The following RASGRF2 variants were observed in gnomAD, a reference collection of about 807,000 sequenced individuals.
The protein encoded by RASGRF2 is ras-specific guanine nucleotide-releasing factor 2.
RASGRF2 carries 76 observed loss-of-function variants against 151.0 expected under a neutral mutation model. That is an observed-to-expected ratio of 0.50 (90% confidence interval 0.42 to 0.61). RASGRF2 has a LOEUF of 0.61. RASGRF2 is among the 20% of genes least tolerant of loss of function. RASGRF2 has a pLI of 0.00. For missense variants in RASGRF2, 1,148 were observed against 1,564.6 expected, an observed-to-expected ratio of 0.73 and a Z score of 4.49; for synonymous variants, 504 against 566.5, an observed-to-expected ratio of 0.89 and a Z score of 1.57.
At chr5:81,132,103 T>G (rs153235) in intron 17 of RASGRF2, among the ~76,000 whole-genome samples, 63,232 of 152,066 alleles carry the variant, frequency 0.42, 15,244 homozygotes, top group African/African-American at 0.67. Flanking sequence ...CACACTATTT[T>G]TTTTACTAAT....
intron 2 of RASGRF2, among the ~76,000 whole-genome samples, chr5:81,063,167 A>G (rs1751495880): frequency 6.6e-6 from 1 of 152,104 alleles, no homozygotes; most frequent in African/African-American, 2.4e-5. Flanking sequence ...AGAGTATGAA[A>G]TGTTTTCATT....
At chr5:81,028,693 T>C (rs548858702) in intron 1 of RASGRF2, among the ~76,000 whole-genome samples, 3 of 152,330 alleles carry the variant, frequency 2.0e-5, no homozygotes, top group African/African-American at 4.8e-5. Flanking sequence ...GGTTCCAAGA[T>C]GGCCGAATAG....
chr5:80,965,276 C>T (rs1412497519), intron 1 of RASGRF2, among the ~76,000 whole-genome samples: 2 of 152,034 alleles, frequency 1.3e-5, no homozygotes, highest in Non-Finnish European at 2.9e-5. Context: ...CATACTACTT[C>T]ACGTTGTCTA....
intron 18 of RASGRF2, among the ~76,000 whole-genome samples, chr5:81,192,215 C>A (rs2112696530): frequency 6.6e-6 from 1 of 152,266 alleles, no homozygotes; most frequent in South Asian, 2.1e-4. Context: ...AAACATAAGT[C>A]CCCAGATGAT....
intron 12 of RASGRF2, among the ~76,000 whole-genome samples, chr5:81,101,532 G>A (rs985248531): frequency 1.3e-5 from 2 of 151,778 alleles, no homozygotes; most frequent in Non-Finnish European, 2.9e-5. Context: ...CTAAAGTCTG[G>A]GGATGGGAAC....
At position 81,092,939 on chromosome 5, in the gene RASGRF2, G is replaced by C; in HGVS notation, c.1529G>C (p.Gly510Ala). The change falls in exon 10 of 27, where the codon GGA (glycine) becomes GCA (alanine). Residue 510 changes from glycine (G) to alanine (A), a missense_variant. By Grantham distance (60) the Gly-to-Ala change is moderately conservative. Coordinates refer to ENST00000265080, the MANE Select transcript of RASGRF2 (RefSeq NM_006909.3). ...TTTTTAATATGTACAAGAAGTTCAG[G>C]AGGGAAGCTTCATCTGCTCAAGGTA... ...KHFLICTRSS[G>A]GKLHLLKTGG... 1 of 1,612,450 alleles carries C rather than the reference G, an allele frequency of 6.2e-7. No homozygotes were observed. The highest frequency in any genetic ancestry group is 8.5e-7 in the Non-Finnish European group (1 of 1,178,894).
rs187388012 is a variant in RASGRF2, at chr5:81,064,201, T to C, written c.396-3831T>C. On this transcript the variant is annotated intron_variant, in intron 2 of 26. Coordinates refer to ENST00000265080, the MANE Select transcript of RASGRF2 (RefSeq NM_006909.3). ...CTGCTGTTGGCTAGGTTCGCTTCCT[T>C]ACCAGTTGTTGGCTTGAGCTCAGTT... 5.7e-3 allele frequency among the ~76,000 whole-genome samples: 866 copies of C among 152,294 alleles called. 7 individuals are homozygous for C. The highest frequency in any genetic ancestry group is 6.1e-3 in the Non-Finnish European group (415 of 68,020).
At chr5:81,072,948 C>T (rs1443276760) in intron 4 of RASGRF2, among the ~76,000 whole-genome samples, 1 of 152,206 alleles carries the variant, frequency 6.6e-6, no homozygotes, top group Non-Finnish European at 1.5e-5. Context: ...CTTGACTGCT[C>T]AGTACCCAGC....
chr5:81,038,708 T>G (rs973654011), intron 1 of RASGRF2, among the ~76,000 whole-genome samples: 3 of 151,578 alleles, frequency 2.0e-5, no homozygotes, highest in Non-Finnish European at 4.4e-5. Context: ...CCCAGGCAGC[T>G]GAGACCACAG....
chr5:81,070,716 G>T, intron 4 of RASGRF2, 135 bp downstream of exon 4: 2 of 672,740 alleles, frequency 3.0e-6, no homozygotes, highest in Non-Finnish European at 5.1e-6. Context: ...GACTTGCCCT[G>T]CAGAGTGATC....
intron 1 of RASGRF2, among the ~76,000 whole-genome samples, chr5:81,012,342 G>A (rs964458851): frequency 1.6e-4 from 25 of 152,028 alleles, no homozygotes; most frequent in African/African-American, 5.6e-4. Context: ...GTTGTTGTAC[G>A]TATCAGTAGT....
intron 15 of RASGRF2, among the ~76,000 whole-genome samples, chr5:81,119,062 C>T (rs1448093462): frequency 6.6e-6 from 1 of 150,574 alleles, no homozygotes; most frequent in Non-Finnish European, 1.5e-5. Flanking sequence ...CTTCTGAGCG[C>T]TGACTATTAG....
At chr5:80,979,778 T>A (rs1413675789) in intron 1 of RASGRF2, among the ~76,000 whole-genome samples, 1 of 152,222 alleles carries the variant, frequency 6.6e-6, no homozygotes, top group Admixed American at 6.5e-5. Flanking sequence ...AATAATTAAA[T>A]TTAAGGCTAG....
chr5:81,035,773 G>A (rs1750468095), intron 1 of RASGRF2, among the ~76,000 whole-genome samples: 1 of 152,140 alleles, frequency 6.6e-6, no homozygotes, highest in Non-Finnish European at 1.5e-5. Context: ...TGTTGTTAAG[G>A]CATACAGACA....
intron 23 of RASGRF2, among the ~76,000 whole-genome samples, chr5:81,215,267 C>CTTTT (rs772223510): frequency 5.8e-5 from 7 of 119,784 alleles, no homozygotes; most frequent in South Asian, 2.7e-4. Context: ...AATATAGAAT[C>CTTTT]TTTTTTTTTT....
At chr5:81,029,733 AG>A in intron 1 of RASGRF2, among the ~76,000 whole-genome samples, 1 of 152,236 alleles carries the variant, frequency 6.6e-6, no homozygotes, top group Admixed American at 6.5e-5. Context: ...TATAAAAATC[AG>A]AGCACTTCTC....
At chr5:81,215,822 G>A in intron 23 of RASGRF2, 54 bp from the exon 24 acceptor site, 1 of 1,450,718 alleles carries the variant, frequency 6.9e-7, no homozygotes, top group Non-Finnish European at 9.0e-7. Context: ...GCAATTCACT[G>A]TCTTTTTAAA....
chr5:81,048,653 C>A (rs1362482214), intron 2 of RASGRF2, among the ~76,000 whole-genome samples: 1 of 152,216 alleles, frequency 6.6e-6, no homozygotes, highest in African/African-American at 2.4e-5. Flanking sequence ...ATGCGCACAC[C>A]ATCTCACCTG....
chr5:81,030,318 C>T (rs1245469337), intron 1 of RASGRF2, among the ~76,000 whole-genome samples: 1 of 152,008 alleles, frequency 6.6e-6, no homozygotes, highest in Admixed American at 6.6e-5. Flanking sequence ...AGATACTCCT[C>T]GAGAAGAGCA....
Sources: allele counts gnomAD v4.1 joint callset (sites outside exome capture counted in the v4.1 genomes callset), GRCh38; gene constraint gnomAD v4.1.1; transcripts MANE v1.5; gene names NCBI Gene and HGNC (gene_info 2026-07-23, HGNC 2026-07-21).